Variants in TMEM116 observed in about 807,000 individuals in gnomAD.
TMEM116 encodes the protein transmembrane protein 116.
TMEM116 carries 38 observed loss-of-function variants against 44.3 expected under a neutral mutation model. The ratio of observed to expected loss-of-function variants is 0.86; its 90% CI spans 0.66 to 1.12. The LOEUF is 1.12. TMEM116 is among the 50% of genes most tolerant of loss of function. The pLI is 0.00. For synonymous variants in TMEM116, 132 were observed against 144.8 expected (o/e 0.91, Z 0.64); for missense variants, 354 against 401.7 (o/e 0.88, Z 1.01).
chr12:111,986,352 C>A (rs934532430), intron 4 of TMEM116, among the ~76,000 whole-genome samples: 13 of 151,960 alleles, frequency 8.6e-5, no homozygotes, highest in Admixed American at 2.6e-4. Flanking sequence ...GAGCAAGACC[C>A]TGTCTCAAAA....
chr12:111,957,429 C>T (rs1322429357), intron 4 of TMEM116, among the ~76,000 whole-genome samples: 2 of 151,556 alleles, frequency 1.3e-5, no homozygotes, highest in Non-Finnish European at 2.9e-5. Flanking sequence ...CCCCTCCGCC[C>T]GGCAGCCACC....
intron 4 of TMEM116, among the ~76,000 whole-genome samples, chr12:111,944,126 C>A (rs1184732965): frequency 6.6e-6 from 1 of 151,828 alleles, no homozygotes; most frequent in Non-Finnish European, 1.5e-5. Flanking sequence ...AACCTAAGAA[C>A]TGAGATGATA....
chr12:112,009,439 T>C (rs1009967917), intron 1 of TMEM116, among the ~76,000 whole-genome samples: 3 of 151,648 alleles, frequency 2.0e-5, no homozygotes, highest in Admixed American at 1.3e-4. Context: ...AGGATCTTAG[T>C]ATTGATCCCA....
In TMEM116 at chr12:111,932,520, A is replaced by T. The variant is rs111720731; in HGVS notation, c.807+66T>A. On this transcript the variant is annotated intron_variant, in intron 10 of 10. Coordinates refer to ENST00000552374, the MANE Select transcript of TMEM116 (RefSeq NM_001193531.2). Reference sequence around the variant, plus strand: ...GGGAAAAAATCATCCTTACCGAGTAAAGGTAGTATAAGAAAATAGGATAAG... The same window carrying T: ...GGGAAAAAATCATCCTTACCGAGTATAGGTAGTATAAGAAAATAGGATAAG... 25 of 1,326,864 alleles carry T rather than the reference A, an allele frequency of 1.9e-5. 1 individual carries two copies. The highest frequency in any genetic ancestry group is 1.4e-4 in the African/African-American group (10 of 69,136). The allele number at this position is 1,326,864 out of a possible 1,614,324, so 82.2% of individuals were successfully genotyped here.
intron 4 of TMEM116, among the ~76,000 whole-genome samples, chr12:111,945,298 C>T (rs1295634403): frequency 1.3e-4 from 16 of 126,786 alleles, no homozygotes; most frequent in Admixed American, 2.0e-4. Context: ...AAGCCGAGAT[C>T]GAGCCATTGC....
intron 3 of TMEM116, among the ~76,000 whole-genome samples, chr12:111,994,305 GC>G (rs1384768598): frequency 6.6e-6 from 1 of 152,100 alleles, no homozygotes; most frequent in Non-Finnish European, 1.5e-5. Context: ...AGAAGAACTT[GC>G]CCCACCTCAT....
chr12:112,000,794 T>A (rs2077209017), intron 3 of TMEM116: 1 of 530,096 alleles, frequency 1.9e-6, no homozygotes, highest in African/African-American at 1.9e-5. Context: ...TCAATGGCAT[T>A]CTCATCACAG....
intron 4 of TMEM116, among the ~76,000 whole-genome samples, chr12:111,946,292 C>T (rs148291788): frequency 2.0e-5 from 3 of 152,154 alleles, no homozygotes; most frequent in African/African-American, 7.2e-5. Context: ...TAGTGTGGAG[C>T]GGGATCAGGG....
intron 4 of TMEM116, among the ~76,000 whole-genome samples, chr12:111,960,407 A>G (rs112787656): frequency 1.1e-4 from 16 of 147,496 alleles, no homozygotes; most frequent in African/African-American, 4.0e-4. Context: ...CAGGAGAATG[A>G]CGTGAACCCG....
At chr12:112,008,540 A>G (rs1308102510) in intron 1 of TMEM116, among the ~76,000 whole-genome samples, 3 of 152,102 alleles carry the variant, frequency 2.0e-5, no homozygotes, top group Non-Finnish European at 4.4e-5. Context: ...TTATTGGGCT[A>G]CTGTATATTA....
At chr12:112,000,473 G>A (rs973340404) in intron 3 of TMEM116, among the ~76,000 whole-genome samples, 4 of 151,360 alleles carry the variant, frequency 2.6e-5, no homozygotes, top group Non-Finnish European at 5.9e-5. Flanking sequence ...ACTATTAACA[G>A]TAAGCAAATA....
At chr12:111,935,640 G>A (rs945077968) in intron 8 of TMEM116, 1 of 153,254 alleles carries the variant, frequency 6.5e-6, no homozygotes, top group African/African-American at 2.4e-5. Flanking sequence ...GTGTGTGTGT[G>A]TGTGTGTGTG....
intron 4 of TMEM116, among the ~76,000 whole-genome samples, chr12:111,972,517 C>T (rs554959752): frequency 3.9e-5 from 6 of 152,288 alleles, no homozygotes; most frequent in African/African-American, 1.2e-4. Flanking sequence ...CAGCCAACAA[C>T]AGCAGAATGT....
chr12:111,932,372 G>A (rs574740657), intron 10 of TMEM116, among the ~76,000 whole-genome samples: 3 of 152,260 alleles, frequency 2.0e-5, no homozygotes, highest in South Asian at 2.1e-4. Flanking sequence ...AGATATATAC[G>A]CTCTGGAATG....
intron 3 of TMEM116, among the ~76,000 whole-genome samples, chr12:111,992,332 C>A (rs1461148607): frequency 6.6e-6 from 1 of 151,260 alleles, no homozygotes; most frequent in Non-Finnish European, 1.5e-5. Flanking sequence ...TGCAGTGGCA[C>A]GATCTCGGCT....
chr12:111,971,173 G>C (rs1401554580), intron 4 of TMEM116, among the ~76,000 whole-genome samples: 1 of 151,656 alleles, frequency 6.6e-6, no homozygotes, highest in African/African-American at 2.4e-5. Context: ...TTAGGCAGAT[G>C]AAATATAATA....
intron 4 of TMEM116, among the ~76,000 whole-genome samples, chr12:111,989,248 G>C (rs2076405623): frequency 6.6e-6 from 1 of 152,150 alleles, no homozygotes; most frequent in Non-Finnish European, 1.5e-5. Context: ...ATGTACCTCA[G>C]TCATGATGCT....
Position 112,005,237 on chromosome 12 carries a change from A to C in TMEM116, c.14+20T>G. ...ACTTTGCTTATACTAGTTTAGTTAT[A>C]TGAGATTAAATAAACATACCTCAGA... On this transcript the variant is annotated intron_variant, in intron 2 of 10. Coordinates refer to ENST00000552374, the MANE Select transcript of TMEM116 (RefSeq NM_001193531.2). 1 of 1,374,088 alleles carries C rather than the reference A, an allele frequency of 7.3e-7. No individual in the cohort carries two copies. The highest frequency in any genetic ancestry group is 9.4e-7 in the Non-Finnish European group (1 of 1,066,836). 85.1% of individuals were successfully genotyped at this position (1,374,088 alleles called of 1,614,324 possible). A position where few individuals can be genotyped will look rare whatever the true frequency, so the allele number is the denominator to read the frequency against.
intron 3 of TMEM116, among the ~76,000 whole-genome samples, chr12:111,994,447 A>G (rs974989462): frequency 6.6e-6 from 1 of 152,174 alleles, no homozygotes; most frequent in African/African-American, 2.4e-5. Context: ...CCAGGGCGTC[A>G]CCGCCTTCTG....
Sources: gnomAD v4.1 joint callset for allele counts (sites outside exome capture counted in the v4.1 genomes callset) on GRCh38, gnomAD v4.1.1 for gene constraint, MANE v1.5 for transcripts, NCBI Gene and HGNC (gene_info 2026-07-23, HGNC 2026-07-21) for gene names.